RGS11: variants seen among roughly 807,000 people sequenced by gnomAD.
The protein encoded by RGS11 is regulator of G-protein signaling 11.
In RGS11, 86 loss-of-function variants were observed where a neutral mutation model predicts 71.1. The ratio of observed to expected loss-of-function variants is 1.21; its 90% CI spans 1.02 to 1.45. RGS11 has a LOEUF of 1.45. Ranked by LOEUF, RGS11 falls within the 40% of genes most tolerant of loss-of-function variation. The pLI is 0.00. For synonymous variants in RGS11, 298 were observed against 254.2 expected (o/e 1.17, Z -1.64); for missense variants, 734 against 635.1 (o/e 1.16, Z -1.67).
rs1254281001 is a variant in RGS11 at position 275,074 on chromosome 16, G to A, written c.220C>T (p.His74Tyr). Residue 74 changes from histidine to tyrosine, a missense_variant, in exon 4 of 17, where the codon CAC becomes TAC. Coordinates refer to ENST00000397770, the MANE Select transcript of RGS11 (RefSeq NM_183337.3). ...KFCVSEEEAL[H>Y]LGAVLVQHGY... is the part of the protein sequence containing the mutation. ...TGCTGCACCAGGACGGCGCCCAGGTGCAGGGCCTCTGGGGAGGGGTGGGAC... is the reference window on the plus strand; with the variant it reads ...TGCTGCACCAGGACGGCGCCCAGGTACAGGGCCTCTGGGGAGGGGTGGGAC... The A allele has an allele frequency of 1.4e-6, 2 of 1,480,382 alleles. No individual in the cohort carries two copies. Among genetic ancestry groups the A allele is most frequent in the Middle Eastern group, 1.9e-4 (1 of 5,366 alleles). 91.7% of individuals were successfully genotyped at this position (1,480,382 alleles called of 1,614,324 possible). A position where few individuals can be genotyped will look rare whatever the true frequency, so the allele number is the denominator to read the frequency against.
At chr16:269,852 C>T (rs935219795) in intron 15 of RGS11, 1 of 421,866 alleles carries the variant, frequency 2.4e-6, no homozygotes, top group East Asian at 4.1e-5. Context: ...GGCACCTCCT[C>T]AGCCATTAGC....
chr16:275,375 A>G (rs1296566768), intron 2 of RGS11, 27 bp downstream of exon 2: 9 of 1,609,812 alleles, frequency 5.6e-6, no homozygotes, highest in African/African-American at 2.7e-5. Context: ...CGAGGCGCGC[A>G]CGCACCCCCG....
rs570556030 is a variant in RGS11, at chr16:272,817, C to T, written c.657+46G>A. ...CATGGTGCGTCCAGCAGGGTGCAGC[C>T]GGTGTGCAGGGTGAGAGGGCGGCCA... On this transcript the variant is annotated intron_variant, in intron 9 of 16. Transcript: ENST00000397770. The T allele has an allele frequency of 8.7e-5, 134 of 1,537,882 alleles. No homozygotes were observed. In the East Asian group the frequency reaches 1.2e-3, roughly 13 times the overall value.
chr16:274,174 T>TC (rs1447730629), intron 5 of RGS11, 40 bp downstream of exon 5: 6 of 1,596,482 alleles, frequency 3.8e-6, no homozygotes, highest in Non-Finnish European at 5.1e-6. Flanking sequence ...AGGCCCCCAG[T>TC]CCTGGGAACT....
rs1037351234 is a variant in RGS11 at position 269,368 on chromosome 16, CG to C, written c.1304del (p.Thr435SerfsTer51). The C allele has an allele frequency of 1.2e-6, 2 of 1,602,950 alleles. No individual in the cohort carries two copies. Among genetic ancestry groups the C allele is most frequent in the Admixed American group, 3.4e-5 (2 of 58,284 alleles). On this transcript the variant is annotated frameshift_variant, in exon 17 of 17. Transcript: ENST00000397770. LOFTEE classifies it low-confidence loss of function (END_TRUNC). ...TGGGGCTCGAGTGCCGTGGCCTCCA[CG>C]TAAACGGGAACACGCTGTGGGCGAG... ...LEMKRRVFPF[T>X]WRPRHSSPSP... is the part of the protein sequence containing the mutation.
intron 9 of RGS11, 78 bp downstream of exon 9, chr16:272,785 G>A (rs548034039): frequency 1.3e-6 from 2 of 1,533,172 alleles, no homozygotes; most frequent in African/African-American, 2.7e-5. Flanking sequence ...GGACAGATGG[G>A]CAGTCCCATG....
chr16:268,810 C>G lies in RGS11; in HGVS notation c.*459G>C. On this transcript the variant is annotated 3_prime_UTR_variant, in exon 17 of 17. Transcript: ENST00000397770. ...GGGCGACAGCGGAGAGGCTCTTGGA[C>G]GGGGCAGAGCTCGCGCCGAGACCTG... 6.5e-7 allele frequency: 1 copy of G among 1,550,320 alleles called. No homozygotes were observed. Among genetic ancestry groups the G allele is most frequent in the Non-Finnish European group, 8.7e-7 (1 of 1,146,966 alleles).
chr16:272,569 C>T (rs2051986691), intron 9 of RGS11: 1 of 1,461,748 alleles, frequency 6.8e-7, no homozygotes, highest in Admixed American at 2.1e-5. Flanking sequence ...CAATTCCCAG[C>T]AAACCCTGAT....
At chr16:272,977 T>G (rs1188919430) in intron 8 of RGS11, 46 bp from the exon 9 acceptor site, 12 of 1,445,400 alleles carry the variant, frequency 8.3e-6, no homozygotes, top group Non-Finnish European at 2.8e-6. Flanking sequence ...TTCCGGTGGC[T>G]GACCCCCTTT....
Position 271,215 on chromosome 16 carries a change from T to G in RGS11, c.850A>C (p.Met284Leu). The G allele has an allele frequency of 6.2e-7, 1 of 1,612,876 alleles. No homozygotes were observed. The highest frequency in any genetic ancestry group is 1.1e-5 in the South Asian group (1 of 91,074). Reference sequence around the variant, plus strand: ...GCCTGGGCTCACGTGGGGGCATTCATGACCCAGTAGGCGTCATTGTCTGAG... The same window carrying G: ...GCCTGGGCTCACGTGGGGGCATTCAGGACCCAGTAGGCGTCATTGTCTGAG... ...WISDNDAYWV[M>L]NAPTVAAPTK... is the part of the protein sequence containing the mutation. Residue 284 changes from methionine (M) to leucine (L), a missense_variant, in exon 12 of 17, where the codon ATG becomes CTG. Met to Leu is a conservative substitution (Grantham distance 15, BLOSUM62 2). Coordinates refer to ENST00000397770, the MANE Select transcript of RGS11 (RefSeq NM_183337.3).
chr16:272,365 A>G (rs993887112), intron 9 of RGS11: 23 of 1,290,326 alleles, frequency 1.8e-5, no homozygotes, highest in Non-Finnish European at 2.2e-5. Flanking sequence ...AAGAAGTTTT[A>G]TCAGTGAGGT....
chr16:275,165 T>TC, intron 3 of RGS11, 83 bp from the exon 4 acceptor site: 2 of 1,570,920 alleles, frequency 1.3e-6, no homozygotes, highest in Non-Finnish European at 1.7e-6. Flanking sequence ...CCCTATGTGC[T>TC]CCCCACCCTT....
At chr16:269,922 A>G (rs933767224) in intron 15 of RGS11, 2 of 224,204 alleles carry the variant, frequency 8.9e-6, no homozygotes, top group Non-Finnish European at 1.6e-5. Context: ...GGAGTCAAAT[A>G]AAAAAACAAG....
At chr16:275,183 G>A (rs957346719) in intron 3 of RGS11, 100 bp downstream of exon 3, 1 of 1,593,850 alleles carries the variant, frequency 6.3e-7, no homozygotes, top group Non-Finnish European at 8.5e-7. Context: ...CTTGCACAGC[G>A]CGCTCAGCAG....
At chr16:275,173 C>G (rs1311447057) in intron 3 of RGS11, 91 bp from the exon 4 acceptor site, 2 of 1,588,048 alleles carry the variant, frequency 1.3e-6, no homozygotes, top group Non-Finnish European at 1.7e-6. Flanking sequence ...GCTCCCCACC[C>G]TTGCACAGCG....
At chr16:271,913 C>T (rs12051424) in intron 9 of RGS11, 9 of 339,294 alleles carry the variant, frequency 2.7e-5, no homozygotes, top group East Asian at 2.1e-4. Flanking sequence ...CTCGGCTCAC[C>T]GCAACCTCCG....
chr16:268,670 TG>T lies in RGS11; in HGVS notation c.*598del. 1 of 1,246,780 alleles carries T rather than the reference TG, an allele frequency of 8.0e-7. No homozygotes were observed. Among genetic ancestry groups the T allele is most frequent in the Non-Finnish European group, 1.1e-6 (1 of 893,930 alleles). The allele number at this position is 1,246,780 out of a possible 1,614,324, so 77.2% of individuals were successfully genotyped here. A position where few individuals can be genotyped will look rare whatever the true frequency, so the allele number is the denominator to read the frequency against. ...GGGAAAGCAGGTGCCGGCGCACCTG[TG>T]GACAAATTCTGGAACGCGTTTGGCG... On this transcript the variant is annotated 3_prime_UTR_variant, in exon 17 of 17. Coordinates refer to ENST00000397770, the MANE Select transcript of RGS11 (RefSeq NM_183337.3).
intron 8 of RGS11, 88 bp from the exon 9 acceptor site, chr16:273,019 T>A: frequency 8.1e-7 from 1 of 1,237,026 alleles, no homozygotes; most frequent in Non-Finnish European, 1.1e-6. Flanking sequence ...GACCCCCATG[T>A]GGAAACTGAC....
chr16:269,137 GC>G lies in RGS11; in HGVS notation c.*131del. Reference sequence around the variant, plus strand: ...GGCTGTGCACCCCACAGAAGACTGGGCCCCCTGGGCACAAGGGGACACTGGT... The same window carrying G: ...GGCTGTGCACCCCACAGAAGACTGGGCCCCTGGGCACAAGGGGACACTGGT... On this transcript the variant is annotated 3_prime_UTR_variant, in exon 17 of 17. Coordinates refer to ENST00000397770, the MANE Select transcript of RGS11 (RefSeq NM_183337.3). 3 of 904,576 alleles carry G rather than the reference GC, an allele frequency of 3.3e-6. No individual in the cohort carries two copies. Among genetic ancestry groups the G allele is most frequent in the Non-Finnish European group, 5.3e-6 (3 of 561,990 alleles). The allele number at this position is 904,576 out of a possible 1,614,324, so 56.0% of individuals were successfully genotyped here.
Sources: gnomAD v4.1 joint callset for allele counts on GRCh38, gnomAD v4.1.1 for gene constraint, MANE v1.5 for transcripts, NCBI Gene and HGNC (gene_info 2026-07-23, HGNC 2026-07-21) for gene names.